Variants in KCNJ6 observed in about 807,000 individuals in gnomAD.
The protein encoded by KCNJ6 is potassium inwardly rectifying channel subfamily J member 6, also known as G protein-activated inward rectifier potassium channel 2.
Under a neutral mutation model 34.2 loss-of-function variants are expected in KCNJ6, and 9 were observed. The observed-to-expected ratio is 0.26, with a 90% CI of 0.16 to 0.46. The LOEUF (loss-of-function observed/expected upper bound fraction) is 0.46. KCNJ6 is among the 20% of genes least tolerant of loss of function. The pLI, the probability that KCNJ6 is intolerant of heterozygous loss-of-function variation, is 1.00. For missense variants in KCNJ6, 236 were observed against 531.3 expected, an observed-to-expected ratio of 0.44 and a Z score of 5.46; for synonymous variants, 196 against 207.1, an observed-to-expected ratio of 0.95 and a Z score of 0.46.
chr21:37,820,971 C>T (rs2055370440), intron 2 of KCNJ6, among the ~76,000 whole-genome samples: 1 of 152,176 alleles, frequency 6.6e-6, no homozygotes, highest in South Asian at 2.1e-4. Flanking sequence ...AGCTGGCTTT[C>T]CTGTCTTAAG....
At chr21:37,876,931 G>A (rs1370114368) in intron 1 of KCNJ6, among the ~76,000 whole-genome samples, 1 of 152,196 alleles carries the variant, frequency 6.6e-6, no homozygotes, top group East Asian at 1.9e-4. Context: ...AGAGTGAAGA[G>A]TCCCCTGTAA....
chr21:37,708,603 C>A (rs568191258), intron 3 of KCNJ6, among the ~76,000 whole-genome samples: 4 of 9,434 alleles, frequency 4.2e-4, no homozygotes, highest in Admixed American at 1.6e-3. Context: ...AAAATCACTC[C>A]TTATAGAGAT....
chr21:37,670,958 C>T (rs1249995680), intron 3 of KCNJ6, among the ~76,000 whole-genome samples: 2 of 152,040 alleles, frequency 1.3e-5, no homozygotes, highest in African/African-American at 4.8e-5. Flanking sequence ...TGTCAATGGG[C>T]CTGTTTTCTT....
intron 3 of KCNJ6, among the ~76,000 whole-genome samples, chr21:37,678,839 G>T (rs2054578474): frequency 6.6e-6 from 1 of 152,198 alleles, no homozygotes; most frequent in Non-Finnish European, 1.5e-5. Context: ...CCAAATCCCA[G>T]CTCTACTGCT....
At chr21:37,846,208 T>C (rs935631621) in intron 1 of KCNJ6, among the ~76,000 whole-genome samples, 2 of 152,132 alleles carry the variant, frequency 1.3e-5, no homozygotes, top group Non-Finnish European at 2.9e-5. Context: ...TACTCCCACA[T>C]CTGTTTCAGC....
intron 3 of KCNJ6, among the ~76,000 whole-genome samples, chr21:37,658,464 A>G (rs1254234341): frequency 6.6e-6 from 1 of 152,270 alleles, no homozygotes; most frequent in Non-Finnish European, 1.5e-5. Flanking sequence ...ATGTTGCAGC[A>G]AGCAGGCTAA....
At chr21:37,666,882 G>A (rs2054516023) in intron 3 of KCNJ6, among the ~76,000 whole-genome samples, 1 of 151,446 alleles carries the variant, frequency 6.6e-6, no homozygotes, top group South Asian at 2.1e-4. Context: ...AACATGTGCT[G>A]TGTCAACTCA....
chr21:37,756,812 C>T (rs1173157468), intron 2 of KCNJ6, among the ~76,000 whole-genome samples: 4 of 150,362 alleles, frequency 2.7e-5, no homozygotes, highest in Non-Finnish European at 4.4e-5. Context: ...CCGGAGTGAG[C>T]ACTCCCTCAC....
At position 37,823,863 on chromosome 21, in the gene KCNJ6, T is replaced by A. The variant is rs906289603; in HGVS notation, c.25+16795A>T. Among the ~76,000 whole-genome samples, 4 of 7,184 alleles carry A rather than the reference T, an allele frequency of 5.6e-4. No homozygotes were observed. In the East Asian group the frequency reaches 0.013, roughly 23 times the overall value. 4.7% of individuals were successfully genotyped at this position (7,184 alleles called of 152,430 possible). ...GATGTTGGTCAAAGAACACAAAGTT[T>A]CAGTCAGACAGCAGAAGTTCTGGAT... On this transcript the variant is annotated intron_variant, in intron 2 of 3. Coordinates refer to ENST00000609713, the MANE Select transcript of KCNJ6 (RefSeq NM_002240.5).
chr21:37,830,390 G>T (rs1243789790), intron 2 of KCNJ6, among the ~76,000 whole-genome samples: 1 of 152,062 alleles, frequency 6.6e-6, no homozygotes, highest in East Asian at 1.9e-4. Context: ...CTTCCTTCCT[G>T]GTTTCATCTA....
chr21:37,784,009 G>A (rs962190192), intron 2 of KCNJ6, among the ~76,000 whole-genome samples: 2 of 152,182 alleles, frequency 1.3e-5, no homozygotes, highest in African/African-American at 2.4e-5. Context: ...CCAGAACCAT[G>A]GGAAAATAAA....
chr21:37,625,820 G>A (rs1315396312), intron 3 of KCNJ6, among the ~76,000 whole-genome samples: 3 of 152,252 alleles, frequency 2.0e-5, no homozygotes, highest in Admixed American at 6.5e-5. Context: ...TCTGCTCTGG[G>A]AGAACCCTGA....
At chr21:37,753,735 T>C (rs1465107039) in intron 2 of KCNJ6, among the ~76,000 whole-genome samples, 1 of 152,228 alleles carries the variant, frequency 6.6e-6, no homozygotes, top group Non-Finnish European at 1.5e-5. Flanking sequence ...ACGCTGTCAC[T>C]AATGTTATGT....
intron 2 of KCNJ6, among the ~76,000 whole-genome samples, chr21:37,756,541 C>T (rs2055025987): frequency 6.6e-6 from 1 of 152,252 alleles, no homozygotes; most frequent in Non-Finnish European, 1.5e-5. Flanking sequence ...CACTGCATTC[C>T]TGCTTTGCAA....
At chr21:37,665,798 C>G (rs1347824557) in intron 3 of KCNJ6, among the ~76,000 whole-genome samples, 1 of 152,234 alleles carries the variant, frequency 6.6e-6, no homozygotes, top group South Asian at 2.1e-4. Flanking sequence ...CTGAGAAACA[C>G]AATTATCTCG....
At chr21:37,835,940 A>G (rs556670182) in intron 2 of KCNJ6, among the ~76,000 whole-genome samples, 1 of 152,188 alleles carries the variant, frequency 6.6e-6, no homozygotes, top group Non-Finnish European at 1.5e-5. Flanking sequence ...AACATTTCAA[A>G]GGGTAGTGTT....
At chr21:37,881,571 A>G (rs552745082) in intron 1 of KCNJ6, among the ~76,000 whole-genome samples, 1 of 152,128 alleles carries the variant, frequency 6.6e-6, no homozygotes, top group Non-Finnish European at 1.5e-5. Flanking sequence ...GCTGGAGTTC[A>G]GTGGCACGAT....
rs771867669 is a variant in KCNJ6 at position 37,850,957 on chromosome 21, AATTG to A, written c.-27-10252_-27-10249del. Among the ~76,000 whole-genome samples the A allele has an allele frequency of 2.3e-4, 35 of 152,318 alleles. No individual in the cohort carries two copies. In the Middle Eastern group the frequency reaches 0.01, roughly 44 times the overall value. The stretch of plus-strand genomic sequence containing the variant: ...AACTGGCTGGGTTGCAGTGAAGAGT[AATTG>A]ATTGATTGATTCATTCATTCATTCA... On this transcript the variant is annotated intron_variant, in intron 1 of 3. Transcript: ENST00000609713.
chr21:37,675,302 C>G lies in KCNJ6; in HGVS notation c.946+38909G>C, dbSNP rs147080193. Among the ~76,000 whole-genome samples the G allele has an allele frequency of 6.6e-4, 101 of 152,356 alleles. 1 individual carries two copies. Among genetic ancestry groups the G allele is most frequent in the Middle Eastern group, 6.8e-3 (2 of 294 alleles). On this transcript the variant is annotated intron_variant, in intron 3 of 3. Transcript: ENST00000609713. The surrounding 1 kb of genome is among the most constrained non-coding windows in gnomAD (Gnocchi z 4.2). ...TGTAAAGGCCACACAGATGAGACCT[C>G]AGAGAGGAAGGAATCAAGTTGGCGG...
Sources: gnomAD v4.1 joint callset for allele counts (sites outside exome capture counted in the v4.1 genomes callset) on GRCh38, gnomAD v4.1.1 for gene constraint, Gnocchi (gnomAD v3.1) non-coding constraint, MANE v1.5 for transcripts, NCBI Gene and HGNC (gene_info 2026-07-23, HGNC 2026-07-21) for gene names.